Variants in CDH13 observed in about 807,000 individuals in gnomAD.
CDH13 encodes cadherin 13.
A neutral mutation model predicts 63.8 loss-of-function variants in CDH13; 24 were observed. The ratio of observed to expected loss-of-function variants is 0.38; its 90% confidence interval spans 0.27 to 0.53. The LOEUF is 0.53. CDH13 is among the 20% of genes least tolerant of loss of function. CDH13 has a pLI of 0.85. For missense variants in CDH13, 1,049 were observed against 903.1 expected (o/e 1.16, Z -2.07); for synonymous variants, 503 against 355.3 (o/e 1.42, Z -4.67).
At chr16:83,170,461 A>T (rs1567472277) in intron 4 of CDH13, among the ~76,000 whole-genome samples, 1 of 152,110 alleles carries the variant, frequency 6.6e-6, no homozygotes, top group African/African-American at 2.4e-5. Flanking sequence ...CCAGTCAAAG[A>T]TACTATGTTT....
chr16:83,791,154 GA>G (rs1406604523), intron 13 of CDH13, among the ~76,000 whole-genome samples: 1 of 151,076 alleles, frequency 6.6e-6, no homozygotes, highest in Non-Finnish European at 1.5e-5. Flanking sequence ...CCCCATCTCT[GA>G]AAAAAAGAAA....
At chr16:82,918,257 A>G (rs942049233) in intron 2 of CDH13, among the ~76,000 whole-genome samples, 1 of 152,198 alleles carries the variant, frequency 6.6e-6, no homozygotes, top group Non-Finnish European at 1.5e-5. Flanking sequence ...TTATAAGTGT[A>G]TCCTACTGAT....
intron 4 of CDH13, among the ~76,000 whole-genome samples, chr16:83,165,042 T>C (rs1369309337): frequency 1.4e-5 from 2 of 147,312 alleles, no homozygotes; most frequent in African/African-American, 2.5e-5. Flanking sequence ...CAGCCCACGC[T>C]CTGATCACAG....
chr16:83,070,611 A>G (rs1444372120), intron 3 of CDH13, among the ~76,000 whole-genome samples: 2 of 152,192 alleles, frequency 1.3e-5, no homozygotes, highest in Non-Finnish European at 2.9e-5. Flanking sequence ...GACTAATATA[A>G]TCCAAGTTTT....
chr16:83,473,263 A>C (rs1196779894), intron 6 of CDH13, among the ~76,000 whole-genome samples: 1 of 152,206 alleles, frequency 6.6e-6, no homozygotes, highest in African/African-American at 2.4e-5. Flanking sequence ...CAGCCATGAA[A>C]CAACAGCTTG....
At chr16:82,748,830 C>T (rs997686887) in intron 1 of CDH13, among the ~76,000 whole-genome samples, 1 of 152,124 alleles carries the variant, frequency 6.6e-6, no homozygotes, top group Non-Finnish European at 1.5e-5. Flanking sequence ...TCTTTTCCCT[C>T]CTGCCACTGC....
chr16:83,074,176 G>T (rs1282714166), intron 3 of CDH13, among the ~76,000 whole-genome samples: 2 of 152,094 alleles, frequency 1.3e-5, no homozygotes, highest in African/African-American at 4.8e-5. Context: ...CCCAGCCTCT[G>T]GTAACCACCA....
intron 1 of CDH13, among the ~76,000 whole-genome samples, chr16:82,803,324 A>T (rs2036965231): frequency 6.6e-6 from 1 of 152,210 alleles, no homozygotes; most frequent in Non-Finnish European, 1.5e-5. Flanking sequence ...TGGAAAGTTC[A>T]TTCTTATTTA....
intron 7 of CDH13, among the ~76,000 whole-genome samples, chr16:83,551,034 C>G (rs2075480326): frequency 7.1e-6 from 1 of 139,942 alleles, no homozygotes; most frequent in Non-Finnish European, 1.6e-5. Flanking sequence ...CATCTCTGTT[C>G]CATGGCCCCC....
chr16:83,375,687 A>T lies in CDH13; in HGVS notation c.781+30681A>T, dbSNP rs373780396. Reference sequence around the variant, plus strand: ...GGTGAGGCTAGGGAGAAGGCAAAAGATCTAGAAGGCTCCCAGGCAGAAAGT... The same window carrying T: ...GGTGAGGCTAGGGAGAAGGCAAAAGTTCTAGAAGGCTCCCAGGCAGAAAGT... On this transcript the variant is annotated intron_variant, in intron 6 of 13. Coordinates refer to ENST00000567109, the MANE Select transcript of CDH13 (RefSeq NM_001257.5). Among the ~76,000 whole-genome samples the T allele has an allele frequency of 1.5e-3, 232 of 152,330 alleles. 6 individuals carry two copies. In the South Asian group the frequency reaches 0.044, roughly 29 times the overall value.
intron 2 of CDH13, among the ~76,000 whole-genome samples, chr16:82,989,409 T>C (rs1911370463): frequency 6.6e-6 from 1 of 152,204 alleles, no homozygotes. Flanking sequence ...CAGTGTGAGC[T>C]GGAGAGGGAT....
intron 8 of CDH13, among the ~76,000 whole-genome samples, chr16:83,618,039 G>A (rs982674971): frequency 8.5e-5 from 13 of 152,174 alleles, no homozygotes; most frequent in East Asian, 3.8e-4. Context: ...CCAGCCTGCC[G>A]TGTAGTGCAT....
At chr16:83,423,446 C>G (rs761620500) in intron 6 of CDH13, among the ~76,000 whole-genome samples, 4 of 151,860 alleles carry the variant, frequency 2.6e-5, no homozygotes, top group Admixed American at 6.6e-5. Flanking sequence ...AATCCTTGAT[C>G]TCGCATCTTT....
chr16:83,286,744 C>T (rs147505835), intron 5 of CDH13, among the ~76,000 whole-genome samples: 25 of 130,794 alleles, frequency 1.9e-4, no homozygotes, highest in African/African-American at 6.5e-4. Context: ...CAACAAAGTG[C>T]GACTCTGTCT....
chr16:83,614,316 CT>C (rs1056385924), intron 8 of CDH13, among the ~76,000 whole-genome samples: 4 of 152,196 alleles, frequency 2.6e-5, no homozygotes, highest in Non-Finnish European at 5.9e-5. Context: ...TCGGATGCAG[CT>C]TTCCTGGGGT....
chr16:83,122,112 A>G (rs1388909091), intron 3 of CDH13, among the ~76,000 whole-genome samples: 4 of 152,212 alleles, frequency 2.6e-5, no homozygotes, highest in Admixed American at 6.5e-5. Context: ...AGACAGTTTT[A>G]ATTAGTATGT....
intron 5 of CDH13, among the ~76,000 whole-genome samples, chr16:83,257,259 G>A (rs550121637): frequency 6.6e-5 from 10 of 152,218 alleles, no homozygotes; most frequent in Non-Finnish European, 1.3e-4. Context: ...AGAAAGCGAC[G>A]GTGAGCTTGA....
intron 1 of CDH13, among the ~76,000 whole-genome samples, chr16:82,695,381 G>A (rs1376654721): frequency 6.6e-6 from 1 of 152,180 alleles, no homozygotes; most frequent in Non-Finnish European, 1.5e-5. Flanking sequence ...CCCAGAGGAG[G>A]TTTAATAAAT....
intron 1 of CDH13, among the ~76,000 whole-genome samples, chr16:82,852,546 G>T (rs976072283): frequency 6.6e-6 from 1 of 152,198 alleles, no homozygotes; most frequent in African/African-American, 2.4e-5. Flanking sequence ...CTGTTGGCCA[G>T]TGCTTAGTCA....
Sources: allele counts gnomAD v4.1 joint callset (sites outside exome capture counted in the v4.1 genomes callset), GRCh38; gene constraint gnomAD v4.1.1; transcripts MANE v1.5; gene names NCBI Gene and HGNC (gene_info 2026-07-23, HGNC 2026-07-21).